The following ARHGEF28 variants were observed in gnomAD, a reference collection of about 807,000 sequenced individuals.
ARHGEF28 encodes 190 kDa guanine nucleotide exchange factor.
A neutral mutation model predicts 206.6 loss-of-function variants in ARHGEF28; 152 were observed. The ratio of observed to expected loss-of-function variants is 0.74; its 90% CI spans 0.64 to 0.84. The LOEUF (loss-of-function observed/expected upper bound fraction) is 0.84. ARHGEF28 is among the 40% of genes least tolerant of loss of function. The probability of loss-of-function intolerance (pLI) is 0.00; values close to 1 mark genes in which losing one functional copy is unlikely to be tolerated. For missense variants in ARHGEF28, 2,028 were observed against 2,073.2 expected, an observed-to-expected ratio of 0.98 and a Z score of 0.42; for synonymous variants, 763 against 776.4, an observed-to-expected ratio of 0.98 and a Z score of 0.29.
chr5:73,735,399 A>C (rs1181713644), intron 2 of ARHGEF28, among the ~76,000 whole-genome samples: 3 of 152,188 alleles, frequency 2.0e-5, no homozygotes, highest in Non-Finnish European at 2.9e-5. Context: ...AGAGGCAGCC[A>C]GGATTGGAGT....
intron 9 of ARHGEF28, among the ~76,000 whole-genome samples, chr5:73,803,973 T>G (rs143685752): frequency 0.014 from 2,050 of 149,602 alleles, 56 homozygotes; most frequent in African/African-American, 0.047. Context: ...TGGTCCTAGC[T>G]ATTCAGGAGG....
At chr5:73,879,815 T>A (rs949534410) in intron 22 of ARHGEF28, among the ~76,000 whole-genome samples, 4 of 152,148 alleles carry the variant, frequency 2.6e-5, no homozygotes, top group Admixed American at 1.3e-4. Flanking sequence ...CCTGGCCATG[T>A]GAGGTGTCAG....
intron 9 of ARHGEF28, chr5:73,813,438 G>T (rs1755967612): frequency 7.1e-7 from 1 of 1,401,728 alleles, no homozygotes; most frequent in Non-Finnish European, 9.3e-7. Flanking sequence ...AACATTTATT[G>T]CCTTTCCCTC....
At chr5:73,672,444 T>C (rs1400792413) in intron 1 of ARHGEF28, among the ~76,000 whole-genome samples, 1 of 152,202 alleles carries the variant, frequency 6.6e-6, no homozygotes, top group Non-Finnish European at 1.5e-5. Context: ...TTGCATCCTC[T>C]AGCTTCTCAT....
chr5:73,889,548 G>A (rs891389214), intron 26 of ARHGEF28, among the ~76,000 whole-genome samples: 1 of 152,222 alleles, frequency 6.6e-6, no homozygotes, highest in Admixed American at 6.5e-5. Flanking sequence ...GTGAACATGT[G>A]GACCTGCAGG....
intron 29 of ARHGEF28, among the ~76,000 whole-genome samples, chr5:73,895,567 C>T (rs112982671): frequency 7.9e-5 from 12 of 152,204 alleles, no homozygotes; most frequent in African/African-American, 2.9e-4. Context: ...GGACAAAGGG[C>T]TTGGGAGATA....
At chr5:73,865,847 G>T in intron 17 of ARHGEF28, 118 bp from the exon 18 acceptor site, 1 of 784,344 alleles carries the variant, frequency 1.3e-6, no homozygotes, top group South Asian at 1.8e-5. Flanking sequence ...ATTCCTCTTG[G>T]AAATAAAATA....
At chr5:73,793,513 A>G (rs1465651958) in intron 7 of ARHGEF28, among the ~76,000 whole-genome samples, 1 of 152,192 alleles carries the variant, frequency 6.6e-6, no homozygotes, top group Admixed American at 6.5e-5. Flanking sequence ...GGAAAACTTC[A>G]GGCGTTTCCC....
chr5:73,864,065 A>G (rs961875020), intron 16 of ARHGEF28, among the ~76,000 whole-genome samples: 1 of 152,138 alleles, frequency 6.6e-6, no homozygotes, highest in South Asian at 2.1e-4. Flanking sequence ...TCCTCGGTCT[A>G]TGCTACAGTG....
Position 73,909,766 on chromosome 5 carries a change from C to T in ARHGEF28, c.4516C>T (p.Arg1506Trp), listed in dbSNP as rs1035013972. The T allele has an allele frequency of 6.6e-6, 10 of 1,510,664 alleles. No individual in the cohort carries two copies. Among genetic ancestry groups the T allele is most frequent in the Non-Finnish European group, 8.8e-6 (10 of 1,131,650 alleles). 93.6% of individuals were successfully genotyped at this position (1,510,664 alleles called of 1,614,324 possible). A position where few individuals can be genotyped will look rare whatever the true frequency, so the allele number is the denominator to read the frequency against. ...QLQEYQHSLE[R>W]LREGQRLVER... ...CCAGGAGTACCAGCACAGCCTGGAG[C>T]GGCTGAGGGAGGGCCAGCGCCTGGT... Residue 1506 changes from arginine (R) to tryptophan (W), a missense_variant, in exon 34 of 36, where the codon CGG (arginine) becomes TGG (tryptophan). Arg to Trp is a moderately radical substitution (Grantham distance 101). Coordinates refer to ENST00000513042, the MANE Select transcript of ARHGEF28 (RefSeq NM_001177693.2).
rs181434975 is a variant in ARHGEF28 at position 73,875,861 on chromosome 5, C to T, written c.2814+2615C>T. On this transcript the variant is annotated intron_variant, in intron 22 of 35. Transcript: ENST00000513042. ...TTTGCAGTCAGGTAGTGTGATGCCT[C>T]CACCTTTGTTCTTTTGGCTTAGGAT... Among the ~76,000 whole-genome samples the T allele has an allele frequency of 6.3e-3, 967 of 152,290 alleles. 10 individuals are homozygous for T. The highest frequency in any genetic ancestry group is 0.022 in the African/African-American group (924 of 41,538).
chr5:73,719,377 C>T (rs866044565), intron 2 of ARHGEF28, among the ~76,000 whole-genome samples: 1 of 149,158 alleles, frequency 6.7e-6, no homozygotes, highest in African/African-American at 2.5e-5. Context: ...CGCCGCTGCA[C>T]TTCAGCCTAG....
chr5:73,689,944 G>A (rs1381819330), intron 2 of ARHGEF28, among the ~76,000 whole-genome samples: 4 of 152,192 alleles, frequency 2.6e-5, no homozygotes, highest in Non-Finnish European at 5.9e-5. Flanking sequence ...GTTAGAATCA[G>A]TGGAACCTAA....
intron 1 of ARHGEF28, among the ~76,000 whole-genome samples, chr5:73,648,217 T>C (rs1003030678): frequency 6.6e-6 from 1 of 152,218 alleles, no homozygotes; most frequent in Non-Finnish European, 1.5e-5. Context: ...TGGAATATAA[T>C]GGCAGGTCTC....
chr5:73,737,439 C>CTTCTT (rs71615797), intron 2 of ARHGEF28, among the ~76,000 whole-genome samples: 1,182 of 72,414 alleles, frequency 0.016, 55 homozygotes, highest in Non-Finnish European at 0.018. Flanking sequence ...AGCCCTCTTC[C>CTTCTT]TTCTTTTCTT....
chr5:73,794,281 TA>T (rs1754660756), intron 7 of ARHGEF28, 120 bp from the exon 8 acceptor site: 1 of 739,686 alleles, frequency 1.4e-6, no homozygotes, highest in African/African-American at 1.8e-5. Flanking sequence ...AGGCCTAATC[TA>T]AAAACCTATC....
At chr5:73,730,841 T>C (rs116049071) in intron 2 of ARHGEF28, among the ~76,000 whole-genome samples, 3,219 of 152,298 alleles carry the variant, frequency 0.021, 57 homozygotes, top group Non-Finnish European at 0.034. Flanking sequence ...AAAAATTAAG[T>C]AGCTGTTTAG....
intron 1 of ARHGEF28, among the ~76,000 whole-genome samples, chr5:73,675,510 A>G (rs1027806090): frequency 1.3e-5 from 2 of 152,134 alleles, no homozygotes; most frequent in African/African-American, 4.8e-5. Context: ...AGGCAGGCGG[A>G]TCACAAGGTC....
At chr5:73,893,360 A>G in intron 28 of ARHGEF28, 72 bp downstream of exon 28, 1 of 1,254,810 alleles carries the variant, frequency 8.0e-7, no homozygotes, top group Non-Finnish European at 1.1e-6. Flanking sequence ...GAGTGTCATG[A>G]ACAGGAGGTT....
Sources: gnomAD v4.1 joint callset for allele counts (sites outside exome capture counted in the v4.1 genomes callset) on GRCh38, gnomAD v4.1.1 for gene constraint, MANE v1.5 for transcripts, NCBI Gene and HGNC (gene_info 2026-07-23, HGNC 2026-07-21) for gene names.